Variants in ZC3H12B observed in about 807,000 individuals in gnomAD.
The protein encoded by ZC3H12B is zinc finger CCCH-type containing 12B.
In ZC3H12B, 7 loss-of-function variants were observed where a neutral mutation model predicts 43.9. The ratio of observed to expected loss-of-function variants is 0.16; its 90% confidence interval spans 0.09 to 0.30. ZC3H12B has a LOEUF of 0.30. Among genes scored for constraint, ZC3H12B ranks in the 10% least tolerant of loss-of-function variants. The probability of loss-of-function intolerance (pLI) is 1.00; values close to 1 mark genes in which losing one functional copy is unlikely to be tolerated. For synonymous variants in ZC3H12B, 222 were observed against 241.7 expected (o/e 0.92, Z 0.76); for missense variants, 475 against 670.2 (o/e 0.71, Z 3.22).
the ZC3H12B span, among the ~76,000 whole-genome samples, chrX:65,117,071 A>T: frequency 8.9e-6 from 1 of 111,915 alleles, no homozygotes; most frequent in Non-Finnish European, 1.9e-5. Context: ...TTGGGTATAT[A>T]CCCAGGAATG....
chrX:65,077,131 C>G, the ZC3H12B span, among the ~76,000 whole-genome samples: 3 of 111,467 alleles, frequency 2.7e-5, no homozygotes, highest in Admixed American at 9.5e-5. Context: ...GTTTAGTTTT[C>G]AGAGCCATTC....
chrX:65,453,620 G>C (rs1010602085), intron 3 of ZC3H12B, among the ~76,000 whole-genome samples: 3 of 106,513 alleles, frequency 2.8e-5, no homozygotes, highest in Admixed American at 1.0e-4. Flanking sequence ...TACTCGGGAG[G>C]CTGAGGTGGG....
chrX:65,315,807 C>G, the ZC3H12B span, among the ~76,000 whole-genome samples: 134 of 111,752 alleles, frequency 1.2e-3, no homozygotes, highest in Non-Finnish European at 1.4e-3. Context: ...AGCAATGGCT[C>G]TTAACAAGGT....
At chrX:65,229,863 G>A in the ZC3H12B span, among the ~76,000 whole-genome samples, 6 of 109,852 alleles carry the variant, frequency 5.5e-5, no homozygotes, top group Non-Finnish European at 1.1e-4. Flanking sequence ...TAGAATGGCA[G>A]TCCTTAAAAA....
chrX:65,348,025 T>A, the ZC3H12B span, among the ~76,000 whole-genome samples: 1 of 110,313 alleles, frequency 9.1e-6, no homozygotes, highest in Non-Finnish European at 1.9e-5. Flanking sequence ...TAGGTGGGAA[T>A]TGAACAATGA....
chrX:65,414,481 A>G (rs764926245), intron 3 of ZC3H12B, among the ~76,000 whole-genome samples: 2 of 111,502 alleles, frequency 1.8e-5, no homozygotes, highest in South Asian at 7.6e-4. Flanking sequence ...TATAAAATGT[A>G]TAGAACTATC....
At chrX:65,323,484 GT>G in the ZC3H12B span, among the ~76,000 whole-genome samples, 1 of 111,836 alleles carries the variant, frequency 8.9e-6, no homozygotes, top group Non-Finnish European at 1.9e-5. Context: ...GAGAATGATG[GT>G]TTCCAGCTTC....
the ZC3H12B span, among the ~76,000 whole-genome samples, chrX:65,327,446 A>G: frequency 4.3e-4 from 48 of 111,553 alleles, no homozygotes; most frequent in Admixed American, 1.8e-3. Context: ...TAAAATTTGC[A>G]TTAGACACAA....
At chrX:65,065,731 T>G in the ZC3H12B span, among the ~76,000 whole-genome samples, 1 of 111,535 alleles carries the variant, frequency 9.0e-6, no homozygotes, top group East Asian at 2.8e-4. Flanking sequence ...TATCTTGAAG[T>G]GTATTTTTCA....
chrX:65,058,684 CAG>C, the ZC3H12B span, among the ~76,000 whole-genome samples: 12 of 112,033 alleles, frequency 1.1e-4, no homozygotes, highest in Non-Finnish European at 1.9e-4. Flanking sequence ...GTGGAGTCTA[CAG>C]AGTCAGGCAG....
chrX:65,366,804 G>A (rs900214600), intron 1 of ZC3H12B, 38 bp downstream of exon 3: 7 of 112,023 alleles, frequency 6.2e-5, no homozygotes, highest in African/African-American at 2.3e-4. Context: ...ATCTACATTT[G>A]CACTATTATG....
chrX:65,159,145 T>G, the ZC3H12B span, among the ~76,000 whole-genome samples: 1 of 112,210 alleles, frequency 8.9e-6, no homozygotes, highest in Non-Finnish European at 1.9e-5. Flanking sequence ...TCTGTTTTGG[T>G]ACCAGTACCA....
chrX:65,476,051 T>C (rs2067987770), intron 3 of ZC3H12B, among the ~76,000 whole-genome samples: 1 of 112,431 alleles, frequency 8.9e-6, no homozygotes, highest in Non-Finnish European at 1.9e-5. Context: ...TTCAAAATGA[T>C]TTCTTCATCT....
the ZC3H12B span, among the ~76,000 whole-genome samples, chrX:65,182,425 AAAAT>A: frequency 2.5e-3 from 278 of 111,624 alleles, 3 homozygotes; most frequent in East Asian, 4.2e-3. Flanking sequence ...AATTAATTAA[AAAAT>A]AAATAAATAA....
intron 3 of ZC3H12B, among the ~76,000 whole-genome samples, chrX:65,413,818 G>T (rs1188181593): frequency 1.8e-5 from 2 of 112,036 alleles, no homozygotes; most frequent in East Asian, 2.8e-4. Flanking sequence ...TTCCACATCT[G>T]CAAAAGGCAT....
chrX:65,438,005 C>G (rs2067242642), intron 3 of ZC3H12B, among the ~76,000 whole-genome samples: 1 of 112,256 alleles, frequency 8.9e-6, no homozygotes, highest in South Asian at 3.7e-4. Context: ...TGTCCTTTCC[C>G]CATTATATGT....
chrX:65,151,965 A>C, the ZC3H12B span, among the ~76,000 whole-genome samples: 2 of 112,161 alleles, frequency 1.8e-5, no homozygotes, highest in Non-Finnish European at 3.8e-5. Flanking sequence ...ATATAAACAG[A>C]ACCAATGACA....
chrX:65,146,169 G>T, the ZC3H12B span, among the ~76,000 whole-genome samples: 42 of 110,870 alleles, frequency 3.8e-4, no homozygotes, highest in South Asian at 1.5e-3. Flanking sequence ...GGGGGTCTTT[G>T]TTCATATTTT....
intron 3 of ZC3H12B, among the ~76,000 whole-genome samples, chrX:65,460,677 T>C: frequency 8.9e-6 from 1 of 111,785 alleles, no homozygotes; most frequent in Non-Finnish European, 1.9e-5. Flanking sequence ...TGAAACTGGA[T>C]CCCTTCCTTA....
Sources: gnomAD v4.1 joint callset for allele counts (sites outside exome capture counted in the v4.1 genomes callset) on GRCh38, gnomAD v4.1.1 for gene constraint, MANE v1.5 for transcripts, NCBI Gene and HGNC (gene_info 2026-07-23, HGNC 2026-07-21) for gene names.